The following TBX1 variants were observed in gnomAD, a reference collection of about 807,000 sequenced individuals.
TBX1 encodes T-box transcription factor 1.
In TBX1, 16 loss-of-function variants were observed where a neutral mutation model predicts 40.8. The observed-to-expected ratio is 0.39, with a 90% confidence interval of 0.27 to 0.60. The LOEUF is 0.60. Among genes scored for constraint, TBX1 ranks in the 20% least tolerant of loss-of-function variants. The probability of loss-of-function intolerance (pLI) is 0.51; values close to 1 mark genes in which losing one functional copy is unlikely to be tolerated. For synonymous variants in TBX1, 403 were observed against 336.8 expected (o/e 1.20, Z -2.15); for missense variants, 755 against 728.5 (o/e 1.04, Z -0.42).
At chr22:19,780,774 CTGTTTTTTTTTT>C (rs1177721971), downstream of TBX1, among the ~76,000 whole-genome samples, 2 of 109,518 alleles carry the variant, frequency 1.8e-5, no homozygotes, top group Non-Finnish European at 1.8e-5. Flanking sequence ...CACTTGTTTT[CTGTTTTTTTTTT>C]TGTTTTTTTT....
chr22:19,768,836 C>T (rs1321140684), downstream of TBX1, among the ~76,000 whole-genome samples: 1 of 152,086 alleles, frequency 6.6e-6, no homozygotes, highest in Non-Finnish European at 1.5e-5. Context: ...GTGCAAGGAC[C>T]CTGAGTGTGC....
At position 19,765,844 on chromosome 22, in the gene TBX1, G is replaced by A. The variant is rs1454862563; in HGVS notation, c.935+19G>A. The A allele has an allele frequency of 5.7e-6, 9 of 1,590,838 alleles. No individual in the cohort carries two copies. The East Asian group carries it at 2.1e-4, about 37-fold the overall frequency. On this transcript the variant is annotated intron_variant, in intron 5 of 6. Coordinates refer to ENST00000649276, the MANE Select transcript of TBX1 (RefSeq NM_001379200.1). ...AGGACTGGTGAGTGTCCTCCCCCGAGAGAGTGAGCGCCGGGCGCCTGGCGC... is the reference window on the plus strand; with the variant it reads ...AGGACTGGTGAGTGTCCTCCCCCGAAAGAGTGAGCGCCGGGCGCCTGGCGC...
chr22:19,781,999 T>G, downstream of TBX1, among the ~76,000 whole-genome samples: 1 of 152,240 alleles, frequency 6.6e-6, no homozygotes, highest in South Asian at 2.1e-4. Flanking sequence ...GGCTGTCTAT[T>G]CTATTACATT....
At chr22:19,782,856 CACTTTG>C (rs986432201), downstream of TBX1, 168 of 1,613,908 alleles carry the variant, frequency 1.0e-4, no homozygotes, top group African/African-American at 2.1e-3. Context: ...AGGCCACAAA[CACTTTG>C]ACCTTCCTCC....
downstream of TBX1, among the ~76,000 whole-genome samples, chr22:19,771,880 C>T (rs967634558): frequency 6.6e-6 from 1 of 152,260 alleles, no homozygotes; most frequent in Non-Finnish European, 1.5e-5. Flanking sequence ...TCGGTGCGCC[C>T]ACTGTGGCCT....
At chr22:19,783,098 G>T (rs1305942035), downstream of TBX1, 5 of 777,992 alleles carry the variant, frequency 6.4e-6, no homozygotes, top group Admixed American at 8.5e-5. Context: ...GAGTGAAGAG[G>T]CTGTGATGGA....
chr22:19,768,871 C>G (rs546371831), downstream of TBX1, among the ~76,000 whole-genome samples: 64 of 152,020 alleles, frequency 4.2e-4, 1 homozygote, highest in African/African-American at 1.5e-3. Flanking sequence ...TTACCGTGCC[C>G]CTCCTGTTGG....
At chr22:19,769,417 C>T (rs1361687217), downstream of TBX1, among the ~76,000 whole-genome samples, 1 of 152,250 alleles carries the variant, frequency 6.6e-6, no homozygotes, top group Non-Finnish European at 1.5e-5. Context: ...TGTGGGTTTC[C>T]TCCCCTCCAC....
downstream of TBX1, among the ~76,000 whole-genome samples, chr22:19,768,432 G>A (rs1042272295): frequency 6.6e-6 from 1 of 152,196 alleles, no homozygotes; most frequent in African/African-American, 2.4e-5. Context: ...GGGTGGGAGG[G>A]GGTCTCCAGG....
chr22:19,757,413 G>A (rs1319883279), upstream of TBX1, among the ~76,000 whole-genome samples: 6 of 152,172 alleles, frequency 3.9e-5, no homozygotes, highest in Non-Finnish European at 7.4e-5. Context: ...GAGTCTCCAG[G>A]AGGCCCCAGG....
At chr22:19,777,682 C>G (rs1317621449) in intron 8 of TBX1, among the ~76,000 whole-genome samples, 2 of 152,100 alleles carry the variant, frequency 1.3e-5, no homozygotes, top group Non-Finnish European at 2.9e-5. Context: ...TCGTCTCCCC[C>G]TCTCCATCCT....
At position 19,761,510 on chromosome 22, in the gene TBX1, G is replaced by A. The variant is rs1049441621; in HGVS notation, c.437+230G>A. 3.2e-4 allele frequency among the ~76,000 whole-genome samples: 49 copies of A among 151,700 alleles called. 1 individual carries two copies. Among genetic ancestry groups the A allele is most frequent in the African/African-American group, 1.2e-3 (48 of 41,402 alleles). On this transcript the variant is annotated intron_variant, in intron 1 of 6. Coordinates refer to ENST00000649276, the MANE Select transcript of TBX1 (RefSeq NM_001379200.1). ...CCTATCCTCCGCCGGGGCGGGAGGAGACGGCGCGGGCCGCACGGGAACGGC... is the reference window on the plus strand; with the variant it reads ...CCTATCCTCCGCCGGGGCGGGAGGAAACGGCGCGGGCCGCACGGGAACGGC...
chr22:19,764,590 C>T (rs960361288), intron 3 of TBX1, among the ~76,000 whole-genome samples: 7 of 152,226 alleles, frequency 4.6e-5, no homozygotes, highest in African/African-American at 1.7e-4. Context: ...AGAGGGGTCG[C>T]CCTCCTTCTC....
Position 19,761,233 on chromosome 22 carries a change from C to T in TBX1, c.390C>T (p.Asp130=), listed in dbSNP as rs772419022. ...AGCTAGAGATGAAGGCGCTGTGGGA[C>T]GAGTTCAACCAGCTGGGCACCGAGA... The part of the protein sequence containing the change: ...SVQLEMKALW[D]EFNQLGTEMI... Residue 130 remains aspartate, a synonymous_variant, in exon 1 of 7, where the codon GAC becomes GAT. Transcript: ENST00000649276. 2.5e-6 allele frequency: 4 copies of T among 1,571,644 alleles called. No individual in the cohort carries two copies. Among genetic ancestry groups the T allele is most frequent in the East Asian group, 2.4e-5 (1 of 40,920 alleles).
downstream of TBX1, among the ~76,000 whole-genome samples, chr22:19,771,737 C>T (rs919625474): frequency 2.0e-5 from 3 of 152,176 alleles, no homozygotes; most frequent in Non-Finnish European, 2.9e-5. Context: ...GGTTTTTTGC[C>T]TGCATTTCAA....
Position 19,767,074 on chromosome 22 carries a change from C to T in TBX1, c.*207C>T. 2 of 1,272,802 alleles carry T rather than the reference C, an allele frequency of 1.6e-6. No individual in the cohort carries two copies. Among genetic ancestry groups the T allele is most frequent in the East Asian group, 3.3e-5 (1 of 30,414 alleles). The allele number at this position is 1,272,802 out of a possible 1,614,324, so 78.8% of individuals were successfully genotyped here. ...ATCGAAGTATCCGGTTCCCCAGTCC[C>T]TGGAGCCACCGCGGGTCCTTCCCCG... On this transcript the variant is annotated 3_prime_UTR_variant, in exon 7 of 7. Coordinates refer to ENST00000649276, the MANE Select transcript of TBX1 (RefSeq NM_001379200.1).
In TBX1 at chr22:19,765,787, C is replaced by T. The variant is rs1936812561; in HGVS notation, c.897C>T (p.Pro299=). ...CGCAGCTCAAGATTGCCAGCAATCC[C>T]TTCGCGAAAGGCTTCCGGGACTGTG... The part of the protein sequence containing the change: ...RITQLKIASN[P]FAKGFRDCDP... Residue 299 remains proline, a synonymous_variant, in exon 5 of 7, where the codon CCC becomes CCT. Coordinates refer to ENST00000649276, the MANE Select transcript of TBX1 (RefSeq NM_001379200.1). 6.2e-7 allele frequency: 1 copy of T among 1,611,716 alleles called. No homozygotes were observed.
chr22:19,760,325 G>A (rs555483227), upstream of TBX1, among the ~76,000 whole-genome samples: 17 of 149,106 alleles, frequency 1.1e-4, 1 homozygote, highest in Middle Eastern at 0.01. Flanking sequence ...TGAAAAGGAA[G>A]GCGAGGATGG....
At chr22:19,765,655 A>G in intron 4 of TBX1, 103 bp from the exon 5 acceptor site, 1 of 1,284,694 alleles carries the variant, frequency 7.8e-7, no homozygotes, top group East Asian at 2.5e-5. Flanking sequence ...GGCAGCAGAA[A>G]GGCCCTTGGT....
Sources: gnomAD v4.1 joint callset for allele counts (sites outside exome capture counted in the v4.1 genomes callset) on GRCh38, gnomAD v4.1.1 for gene constraint, MANE v1.5 for transcripts, NCBI Gene and HGNC (gene_info 2026-07-23, HGNC 2026-07-21) for gene names.